Variants in RAI1 observed in about 807,000 individuals in gnomAD.
The protein encoded by RAI1 is retinoic acid induced 1.
Under a neutral mutation model 123.8 loss-of-function variants are expected in RAI1, and 9 were observed. The observed-to-expected ratio is 0.07, with a 90% confidence interval of 0.04 to 0.13. RAI1 has a LOEUF of 0.13. Among genes scored for constraint, RAI1 ranks in the 10% least tolerant of loss-of-function variants. The probability of loss-of-function intolerance (pLI) is 1.00; values close to 1 mark genes in which losing one functional copy is unlikely to be tolerated. For missense variants in RAI1, 2,256 were observed against 2,545.8 expected (o/e 0.89, Z 2.45); for synonymous variants, 1,231 against 1,127.3 (o/e 1.09, Z -1.84).
chr17:17,736,943 T>G (rs1442437098), intron 2 of RAI1, among the ~76,000 whole-genome samples: 4 of 152,158 alleles, frequency 2.6e-5, no homozygotes, highest in Non-Finnish European at 5.9e-5. Context: ...AAATGCAACA[T>G]CTCTGGAGAT....
At chr17:17,715,021 C>T (rs1273820442) in intron 1 of RAI1, among the ~76,000 whole-genome samples, 1 of 152,222 alleles carries the variant, frequency 6.6e-6, no homozygotes, top group Non-Finnish European at 1.5e-5. Context: ...AAATGCAGTC[C>T]TTCATCTCAG....
Position 17,796,214 on chromosome 17 carries a change from G to C in RAI1, c.3266G>C (p.Arg1089Pro). Reference protein sequence around the residue: ...APPDKLGGKQRAAFKSGKRVG... With the variant: ...APPDKLGGKQPAAFKSGKRVG... ...CCAGACAAACTGGGGGGCAAGCAGC[G>C]AGCCGCCTTCAAGTCGGGCAAGCGG... The change falls in exon 3 of 6, where the codon CGA becomes CCA. Residue 1089 changes from arginine (R) to proline (P), a missense_variant. Arg to Pro is a moderately radical substitution (Grantham distance 103, BLOSUM62 -2). Around this residue, in one of 7 missense-constraint regions of RAI1, gnomAD observed 566 missense variants for 616.0 expected, o/e 0.92. Transcript: ENST00000353383. This position sits in a 1 kb window ranked among gnomAD's most constrained non-coding sequence, Gnocchi z 5.8. 1 of 1,558,724 alleles carries C rather than the reference G, an allele frequency of 6.4e-7. No homozygotes were observed. Among genetic ancestry groups the C allele is most frequent in the Non-Finnish European group, 8.7e-7 (1 of 1,151,680 alleles).
At chr17:17,787,478 C>T (rs929027846) in intron 2 of RAI1, among the ~76,000 whole-genome samples, 1 of 152,210 alleles carries the variant, frequency 6.6e-6, no homozygotes, top group African/African-American at 2.4e-5. Context: ...AATTATTGTC[C>T]ACAAGAGACT....
At chr17:17,776,310 A>T (rs2031339915) in intron 2 of RAI1, among the ~76,000 whole-genome samples, 1 of 152,194 alleles carries the variant, frequency 6.6e-6, no homozygotes, top group African/African-American at 2.4e-5. Context: ...ATCTTTTAGG[A>T]GTTATCACAT....
At chr17:17,691,903 G>A (rs1379723995) in intron 1 of RAI1, among the ~76,000 whole-genome samples, 1 of 152,112 alleles carries the variant, frequency 6.6e-6, no homozygotes, top group African/African-American at 2.4e-5. Context: ...AGAGAAGCAG[G>A]AAAAAAGAGC....
intron 1 of RAI1, among the ~76,000 whole-genome samples, chr17:17,700,860 C>CAAG (rs1194576085): frequency 1.3e-5 from 2 of 152,240 alleles, no homozygotes; most frequent in African/African-American, 4.8e-5. Flanking sequence ...CATTCAAGGC[C>CAAG]CTTCGGGACC....
intron 1 of RAI1, among the ~76,000 whole-genome samples, chr17:17,686,487 C>T (rs1914637409): frequency 7.4e-6 from 1 of 135,600 alleles, no homozygotes; most frequent in Admixed American, 8.0e-5. Context: ...GAAGGGGAGG[C>T]AGGGTGGGAG....
intron 2 of RAI1, among the ~76,000 whole-genome samples, chr17:17,763,431 C>T (rs1015250548): frequency 6.6e-6 from 1 of 152,218 alleles, no homozygotes; most frequent in Non-Finnish European, 1.5e-5. Context: ...CACTGATACA[C>T]GCCCGCCCTC....
At chr17:17,693,598 G>T (rs1344810207) in intron 1 of RAI1, among the ~76,000 whole-genome samples, 1 of 152,252 alleles carries the variant, frequency 6.6e-6, no homozygotes, top group African/African-American at 2.4e-5. Flanking sequence ...ATGAGGCGGC[G>T]CTTGCTGCAA....
rs1481790486 is a variant in RAI1, at chr17:17,682,125, A to T, written c.-149+332A>T. The stretch of plus-strand genomic sequence containing the variant: ...TGTGGCAAGGGATCTGCTTGCGCCG[A>T]GGCGCGGAGTCTTTGCGGAGCGTGG... On this transcript the variant is annotated intron_variant, in intron 1 of 5. Transcript: ENST00000353383. 3.0e-5 allele frequency among the ~76,000 whole-genome samples: 3 copies of T among 99,216 alleles called. No homozygotes were observed. In the South Asian group the frequency reaches 9.6e-4, roughly 32 times the overall value. 65.1% of individuals were successfully genotyped at this position (99,216 alleles called of 152,430 possible). A position where few individuals can be genotyped will look rare whatever the true frequency, so the allele number is the denominator to read the frequency against.
At chr17:17,804,205 A>G in intron 4 of RAI1, 1 of 359,802 alleles carries the variant, frequency 2.8e-6, no homozygotes, top group Middle Eastern at 8.6e-4. Context: ...CCTTTGAAGG[A>G]TAAATAGGAG....
chr17:17,810,176 A>C lies in RAI1; in HGVS notation c.*195A>C. The C allele has an allele frequency of 1.3e-6, 1 of 788,996 alleles. No homozygotes were observed. The highest frequency in any genetic ancestry group is 1.9e-6 in the Non-Finnish European group (1 of 521,056). The allele number at this position is 788,996 out of a possible 1,614,324, so 48.9% of individuals were successfully genotyped here. On this transcript the variant is annotated 3_prime_UTR_variant, in exon 6 of 6. Transcript: ENST00000353383. This position sits in a 1 kb window ranked among gnomAD's most constrained non-coding sequence, Gnocchi z 4.6. ...ACTTGCGGCCCCGGGTTGGGAGGAA[A>C]ACCCGTTCCGGAGCCGCCTGCTCCC...
chr17:17,683,929 C>G (rs1325151443), intron 1 of RAI1: 1 of 152,276 alleles, frequency 6.6e-6, no homozygotes, highest in East Asian at 1.9e-4. Flanking sequence ...GCTGGAGTGC[C>G]TTGGCACAAA....
chr17:17,784,673 G>A (rs2031761024), intron 2 of RAI1, among the ~76,000 whole-genome samples: 1 of 152,190 alleles, frequency 6.6e-6, no homozygotes, highest in African/African-American at 2.4e-5. Context: ...ATGCCGTTTG[G>A]GTGGCAGACC....
Position 17,749,600 on chromosome 17 carries a change from C to T in RAI1, c.-17+25441C>T, listed in dbSNP as rs563922658. Among the ~76,000 whole-genome samples, 15 of 152,358 alleles carry T rather than the reference C, an allele frequency of 9.8e-5. No individual in the cohort carries two copies. The East Asian group carries it at 1.9e-3, about 20-fold the overall frequency. On this transcript the variant is annotated intron_variant, in intron 2 of 5. Coordinates refer to ENST00000353383, the MANE Select transcript of RAI1 (RefSeq NM_030665.4). ...CTCACTTTCGCTTCATCTTCCCCCC[C>T]TCTTGGTACCAGGAAGTGGACCATG...
At chr17:17,738,407 T>C (rs865843553) in intron 2 of RAI1, among the ~76,000 whole-genome samples, 12 of 38,094 alleles carry the variant, frequency 3.2e-4, no homozygotes, top group Non-Finnish European at 5.4e-4. Flanking sequence ...CGGGGTGGGG[T>C]GGGCAGGAGG....
At chr17:17,727,429 G>A (rs1017080211) in intron 2 of RAI1, among the ~76,000 whole-genome samples, 1 of 152,224 alleles carries the variant, frequency 6.6e-6, no homozygotes, top group Non-Finnish European at 1.5e-5. Flanking sequence ...CCATTTCACA[G>A]ATGGGGGGAC....
At chr17:17,767,550 C>T (rs77080239) in intron 2 of RAI1, among the ~76,000 whole-genome samples, 175 of 152,290 alleles carry the variant, frequency 1.1e-3, no homozygotes, top group African/African-American at 3.9e-3. Context: ...TGTTGAATGC[C>T]TGCTTTTGCA....
At chr17:17,739,585 A>G (rs1398239779) in intron 2 of RAI1, among the ~76,000 whole-genome samples, 2 of 152,200 alleles carry the variant, frequency 1.3e-5, no homozygotes, top group African/African-American at 4.8e-5. Context: ...TTCCAGAGCT[A>G]AGAAAGCTTT....
Sources: allele counts gnomAD v4.1 joint callset (sites outside exome capture counted in the v4.1 genomes callset), GRCh38; gene constraint gnomAD v4.1.1; regional missense constraint gnomAD v4.1.1; non-coding constraint Gnocchi (gnomAD v3.1); transcripts MANE v1.5; gene names NCBI Gene and HGNC (gene_info 2026-07-23, HGNC 2026-07-21).